The following FLACC1 variants were observed in gnomAD, a reference collection of about 807,000 sequenced individuals.
FLACC1 encodes the protein flagellum associated containing coiled-coil domains 1.
A neutral mutation model predicts 62.8 loss-of-function variants in FLACC1; 66 were observed. That is an observed-to-expected ratio of 1.05 (90% CI 0.86 to 1.29). The LOEUF (loss-of-function observed/expected upper bound fraction) is 1.29, where lower values mean the gene tolerates loss of function less well. Among genes scored for constraint, FLACC1 ranks in the 50% most tolerant of loss-of-function variants. The pLI is 0.00. For synonymous variants in FLACC1, 156 were observed against 161.0 expected, an observed-to-expected ratio of 0.97 and a Z score of 0.24; for missense variants, 452 against 489.1, an observed-to-expected ratio of 0.92 and a Z score of 0.71.
In FLACC1 at chr2:201,344,323, C is replaced by T. The variant is rs1047426457; in HGVS notation, c.369-60G>A. ...GCTTACCATTCCATGCCATTCAGGC[C>T]CCTGAGCATGACTGACTCTGGCATG... On this transcript the variant is annotated intron_variant, in intron 5 of 14. Transcript: ENST00000392257. 1.6e-5 allele frequency: 22 copies of T among 1,417,576 alleles called. No individual in the cohort carries two copies. In the African/African-American group the frequency reaches 1.8e-4, roughly 12 times the overall value. 87.8% of individuals were successfully genotyped at this position (1,417,576 alleles called of 1,614,324 possible). A position where few individuals can be genotyped will look rare whatever the true frequency, so the allele number is the denominator to read the frequency against.
In FLACC1 at chr2:201,330,430, T is replaced by C. The variant is rs374967277; in HGVS notation, c.675+40A>G. 1.1e-4 allele frequency: 166 copies of C among 1,579,174 alleles called. 1 individual carries two copies. Among genetic ancestry groups the C allele is most frequent in the Non-Finnish European group, 1.2e-4 (144 of 1,153,898 alleles). On this transcript the variant is annotated intron_variant, in intron 9 of 14. Coordinates refer to ENST00000392257, the MANE Select transcript of FLACC1 (RefSeq NM_001127391.3). Reference sequence around the variant, plus strand: ...TCCCAATGTTAGCCAGGAATGAGCCTTCCTTCTCTTGTAATCCAACAGGGA... The same window carrying C: ...TCCCAATGTTAGCCAGGAATGAGCCCTCCTTCTCTTGTAATCCAACAGGGA...
intron 7 of FLACC1, among the ~76,000 whole-genome samples, chr2:201,341,122 G>A (rs779656555): frequency 2.0e-5 from 3 of 152,074 alleles, no homozygotes; most frequent in Non-Finnish European, 2.9e-5. Context: ...AGGAGCAGGT[G>A]CACAGGAACT....
At chr2:201,309,389 T>C (rs1290445265) in intron 9 of FLACC1, 139 bp from the exon 10 acceptor site, 2 of 666,378 alleles carry the variant, frequency 3.0e-6, no homozygotes, top group Non-Finnish European at 5.3e-6. Flanking sequence ...CTGTGCATCT[T>C]CCCTTACCTG....
intron 9 of FLACC1, among the ~76,000 whole-genome samples, chr2:201,324,037 C>T (rs185907321): frequency 7.5e-4 from 114 of 152,016 alleles, no homozygotes; most frequent in South Asian, 6.2e-4. Context: ...ATGGCCTAAA[C>T]GCTCCACTTA....
intron 9 of FLACC1, among the ~76,000 whole-genome samples, chr2:201,317,759 C>T (rs1950332472): frequency 1.3e-5 from 2 of 151,472 alleles, no homozygotes; most frequent in African/African-American, 4.8e-5. Context: ...CTAAGCAAAA[C>T]AAAACAAAGC....
At chr2:201,310,568 C>T (rs924818180) in intron 9 of FLACC1, among the ~76,000 whole-genome samples, 3 of 152,198 alleles carry the variant, frequency 2.0e-5, no homozygotes, top group African/African-American at 7.2e-5. Flanking sequence ...TAGTAAGAAT[C>T]ATGCCCTAAC....
At chr2:201,292,246 G>T (rs1275304395) in intron 12 of FLACC1, among the ~76,000 whole-genome samples, 6 of 152,170 alleles carry the variant, frequency 3.9e-5, no homozygotes, top group African/African-American at 1.2e-4. Flanking sequence ...AAATTGAAAT[G>T]AAGGAAAAAA....
intron 3 of FLACC1, among the ~76,000 whole-genome samples, 177 bp downstream of exon 3, chr2:201,350,534 C>T (rs1169729003): frequency 6.6e-6 from 1 of 151,798 alleles, no homozygotes; most frequent in Non-Finnish European, 1.5e-5. Flanking sequence ...AAAAAAGTAG[C>T]CAGGCATGGT....
chr2:201,298,220 T>TG (rs936513794), intron 12 of FLACC1, among the ~76,000 whole-genome samples: 5 of 152,048 alleles, frequency 3.3e-5, no homozygotes, highest in African/African-American at 1.2e-4. Flanking sequence ...ACCTCAATAG[T>TG]GGGGAAAATT....
upstream of FLACC1, among the ~76,000 whole-genome samples, chr2:201,359,232 G>C (rs1361567709): frequency 2.0e-5 from 3 of 152,204 alleles, no homozygotes; most frequent in Non-Finnish European, 2.9e-5. Context: ...TATTGAGATA[G>C]GAAAGTGTGG....
intron 6 of FLACC1, among the ~76,000 whole-genome samples, chr2:201,342,871 T>C (rs1950839640): frequency 6.6e-6 from 1 of 152,242 alleles, no homozygotes; most frequent in Admixed American, 6.5e-5. Flanking sequence ...TAAAATCTAG[T>C]GTTAATCCTT....
intron 5 of FLACC1, among the ~76,000 whole-genome samples, chr2:201,344,527 C>T (rs1010317093): frequency 3.3e-5 from 5 of 151,952 alleles, no homozygotes; most frequent in African/African-American, 7.3e-5. Context: ...GGTGCCCTAC[C>T]GAATAGAAGG....
In FLACC1 at chr2:201,330,788, G is replaced by C. The variant is rs763813813; in HGVS notation, c.570C>G (p.Asn190Lys). The change falls in exon 8 of 15, where the codon AAC (asparagine) becomes AAG (lysine). Residue 190 changes from asparagine (N) to lysine (K), a missense_variant. Around this residue, in one of 3 missense-constraint regions of FLACC1, gnomAD observed 301 missense variants for 318.4 expected, o/e 0.95. Transcript: ENST00000392257. ...CTGCCTTCAAGGCTGCTTTGTAGTTGTTCTCCAACTCACTGAGTTCTGCTT... is the reference window on the plus strand; with the variant it reads ...CTGCCTTCAAGGCTGCTTTGTAGTTCTTCTCCAACTCACTGAGTTCTGCTT... ...AHEAELSELE[N>K]NYKAALKAEK... The C allele has an allele frequency of 9.9e-6, 16 of 1,613,830 alleles. No individual in the cohort carries two copies. The highest frequency in any genetic ancestry group is 1.3e-5 in the Non-Finnish European group (15 of 1,179,984).
chr2:201,345,709 G>T (rs1266362590), intron 5 of FLACC1, among the ~76,000 whole-genome samples: 1 of 152,010 alleles, frequency 6.6e-6, no homozygotes, highest in Non-Finnish European at 1.5e-5. Context: ...ATCTGTTAAT[G>T]AAAAAAGAAA....
intron 6 of FLACC1, 106 bp downstream of exon 6, chr2:201,344,064 G>A: frequency 1.1e-6 from 1 of 908,892 alleles, no homozygotes; most frequent in Admixed American, 2.3e-5. Context: ...TGGACAACAT[G>A]GCTCATATGA....
chr2:201,353,282 A>T (rs553015955), intron 1 of FLACC1, among the ~76,000 whole-genome samples: 97 of 152,372 alleles, frequency 6.4e-4, no homozygotes, highest in African/African-American at 2.2e-3. Context: ...GACTTAGCCA[A>T]AAAGTGAACT....
chr2:201,359,924 A>C (rs192147408), upstream of FLACC1, among the ~76,000 whole-genome samples: 135 of 146,174 alleles, frequency 9.2e-4, no homozygotes, highest in Non-Finnish European at 1.1e-3. Context: ...TTTTATATTT[A>C]AATCCTTTCT....
intron 9 of FLACC1, among the ~76,000 whole-genome samples, chr2:201,310,917 C>A (rs1487279145): frequency 6.6e-6 from 1 of 151,876 alleles, no homozygotes; most frequent in African/African-American, 2.4e-5. Context: ...AAGAAAAAAA[C>A]GACGATCCAA....
chr2:201,362,344 T>C (rs1241760566), upstream of FLACC1, among the ~76,000 whole-genome samples: 1 of 152,224 alleles, frequency 6.6e-6, no homozygotes, highest in Non-Finnish European at 1.5e-5. Context: ...TTCTTTTTTT[T>C]TTCCAAGATG....
Sources: gnomAD v4.1 joint callset for allele counts (sites outside exome capture counted in the v4.1 genomes callset) on GRCh38, gnomAD v4.1.1 for gene constraint, gnomAD v4.1.1 regional missense constraint, MANE v1.5 for transcripts, NCBI Gene and HGNC (gene_info 2026-07-23, HGNC 2026-07-21) for gene names.